TTC28: variants seen among roughly 807,000 people sequenced by gnomAD.
The protein encoded by TTC28 is tetratricopeptide repeat domain 28.
TTC28 carries 61 observed loss-of-function variants against 198.0 expected under a neutral mutation model. The ratio of observed to expected loss-of-function variants is 0.31; its 90% CI spans 0.25 to 0.38. The LOEUF (loss-of-function observed/expected upper bound fraction) is 0.38, where lower values mean the gene tolerates loss of function less well. TTC28 is among the 10% of genes least tolerant of loss of function. The probability of loss-of-function intolerance (pLI) is 1.00; values close to 1 mark genes in which losing one functional copy is unlikely to be tolerated. For synonymous variants in TTC28, 1,171 were observed against 1,297.8 expected (o/e 0.90, Z 2.10); for missense variants, 2,678 against 3,164.0 (o/e 0.85, Z 3.69).
chr22:28,671,261 C>T (rs540415285), intron 1 of TTC28, among the ~76,000 whole-genome samples: 22 of 151,690 alleles, frequency 1.5e-4, no homozygotes, highest in South Asian at 4.2e-4. Context: ...TTTTTAAATT[C>T]GGTTGTCCTT....
At chr22:28,327,832 G>A (rs980984435) in intron 2 of TTC28, among the ~76,000 whole-genome samples, 1 of 152,140 alleles carries the variant, frequency 6.6e-6, no homozygotes, top group African/African-American at 2.4e-5. Flanking sequence ...ATATCTAACA[G>A]TAACCGTATC....
intron 12 of TTC28, among the ~76,000 whole-genome samples, chr22:28,093,764 G>T (rs577413957): frequency 6.6e-6 from 1 of 151,744 alleles, no homozygotes; most frequent in African/African-American, 2.4e-5. Flanking sequence ...AATAATCTCA[G>T]TTTTAATTGG....
At chr22:28,075,722 T>G (rs983023937) in intron 12 of TTC28, among the ~76,000 whole-genome samples, 8 of 152,162 alleles carry the variant, frequency 5.3e-5, no homozygotes, top group African/African-American at 1.9e-4. Context: ...GGTGAGAAAC[T>G]CCTCCGCCTG....
chr22:28,187,735 G>A (rs1707140195), intron 5 of TTC28, among the ~76,000 whole-genome samples: 1 of 152,162 alleles, frequency 6.6e-6, no homozygotes, highest in Non-Finnish European at 1.5e-5. Context: ...GTCAGCTGGG[G>A]GCATCAAGGA....
chr22:28,179,576 T>C (rs1313541751), intron 5 of TTC28, among the ~76,000 whole-genome samples: 1 of 152,220 alleles, frequency 6.6e-6, no homozygotes, highest in Non-Finnish European at 1.5e-5. Flanking sequence ...CTGCTGTGGC[T>C]AATAAATAGG....
chr22:28,149,021 G>A (rs1601386576), intron 6 of TTC28, among the ~76,000 whole-genome samples: 1 of 152,170 alleles, frequency 6.6e-6, no homozygotes, highest in Non-Finnish European at 1.5e-5. Context: ...AATACATACT[G>A]AGAAACGTGT....
At chr22:28,178,845 T>A (rs1923430341) in intron 5 of TTC28, among the ~76,000 whole-genome samples, 1 of 152,180 alleles carries the variant, frequency 6.6e-6, no homozygotes, top group African/African-American at 2.4e-5. Context: ...AAGTGGCATA[T>A]CCAAAAGTAC....
At chr22:28,530,549 A>C (rs1375819381) in intron 2 of TTC28, among the ~76,000 whole-genome samples, 1 of 152,164 alleles carries the variant, frequency 6.6e-6, no homozygotes, top group Admixed American at 6.5e-5. Context: ...AATTCAGGAA[A>C]TACAGAGAAC....
rs1345651569 is a variant in TTC28, at chr22:28,409,980, A to G, written c.382-103337T>C. 4.0e-5 allele frequency among the ~76,000 whole-genome samples: 6 copies of G among 151,794 alleles called. No homozygotes were observed. The East Asian group carries it at 5.8e-4, about 15-fold the overall frequency. On this transcript the variant is annotated intron_variant, in intron 2 of 22. Transcript: ENST00000397906. ...TCTATCACCCAGGCTGGAGTGCAGC[A>G]GCACGATCTCAGTTCACTGCAATCT...
chr22:28,477,794 T>A (rs1040245134), intron 2 of TTC28, among the ~76,000 whole-genome samples: 1 of 152,172 alleles, frequency 6.6e-6, no homozygotes, highest in Non-Finnish European at 1.5e-5. Context: ...ACCTGCCCTC[T>A]CGTACAACTG....
intron 12 of TTC28, among the ~76,000 whole-genome samples, chr22:28,062,059 C>CTT (rs969871463): frequency 6.7e-6 from 1 of 149,466 alleles, no homozygotes; most frequent in Non-Finnish European, 1.5e-5. Flanking sequence ...AGTCTACTAT[C>CTT]TTTTTTTTTT....
rs778713895 is a variant in TTC28, at chr22:28,001,357, A to G, written c.4398+17T>C. On this transcript the variant is annotated intron_variant, in intron 15 of 22. Transcript: ENST00000397906. ...GAAAACAAGCCCCCGGCCCCCCACC[A>G]TGTGTGTGAGCCTTACCTTGGACTG... 3.3e-6 allele frequency: 5 copies of G among 1,532,858 alleles called. No individual in the cohort carries two copies. Among genetic ancestry groups the G allele is most frequent in the Non-Finnish European group, 4.4e-6 (5 of 1,131,842 alleles). 95.0% of individuals were successfully genotyped at this position (1,532,858 alleles called of 1,614,324 possible).
intron 1 of TTC28, among the ~76,000 whole-genome samples, chr22:28,677,841 G>A (rs1354340959): frequency 6.6e-6 from 1 of 152,016 alleles, no homozygotes; most frequent in African/African-American, 2.4e-5. Context: ...CAGAGGCTGA[G>A]GCAGGGGAAT....
At chr22:28,154,430 C>A (rs1451936662) in intron 6 of TTC28, among the ~76,000 whole-genome samples, 1 of 150,926 alleles carries the variant, frequency 6.6e-6, no homozygotes, top group Non-Finnish European at 1.5e-5. Context: ...CGGCACACTG[C>A]AAGCTTTGCC....
At chr22:28,165,413 A>G (rs1251895988) in intron 5 of TTC28, among the ~76,000 whole-genome samples, 1 of 152,054 alleles carries the variant, frequency 6.6e-6, no homozygotes, top group Non-Finnish European at 1.5e-5. Flanking sequence ...AAAAAATGTT[A>G]AGAGCAGCCA....
At chr22:28,412,769 A>G (rs561403523) in intron 2 of TTC28, among the ~76,000 whole-genome samples, 2 of 152,328 alleles carry the variant, frequency 1.3e-5, no homozygotes, top group African/African-American at 4.8e-5. Context: ...AGGCATGGTG[A>G]TGCTTAGTGA....
At chr22:28,037,895 T>C (rs1012311446) in intron 12 of TTC28, among the ~76,000 whole-genome samples, 1 of 152,066 alleles carries the variant, frequency 6.6e-6, no homozygotes, top group Non-Finnish European at 1.5e-5. Context: ...GAGAGCCAAA[T>C]CATGAGTGAA....
At chr22:28,058,284 G>C (rs1940374097) in intron 12 of TTC28, among the ~76,000 whole-genome samples, 2 of 152,070 alleles carry the variant, frequency 1.3e-5, no homozygotes, top group South Asian at 4.1e-4. Context: ...CACAGTCTCT[G>C]AACTTCTGCT....
At chr22:28,287,384 T>C (rs901753379) in intron 5 of TTC28, among the ~76,000 whole-genome samples, 8 of 152,146 alleles carry the variant, frequency 5.3e-5, no homozygotes, top group African/African-American at 1.7e-4. Context: ...TATACAAACA[T>C]TTTCTTAAAC....
Sources: gnomAD v4.1 joint callset for allele counts (sites outside exome capture counted in the v4.1 genomes callset) on GRCh38, gnomAD v4.1.1 for gene constraint, MANE v1.5 for transcripts, NCBI Gene and HGNC (gene_info 2026-07-23, HGNC 2026-07-21) for gene names.